Variants in GALNT13 observed in about 807,000 individuals in gnomAD.
GALNT13 encodes UDP-GalNAc:polypeptide N-acetylgalactosaminyltransferase 13.
Under a neutral mutation model 64.2 loss-of-function variants are expected in GALNT13, and 28 were observed. That is an observed-to-expected ratio of 0.44 (90% CI 0.32 to 0.60). The LOEUF (loss-of-function observed/expected upper bound fraction) is 0.60, where lower values mean the gene tolerates loss of function less well. Among genes scored for constraint, GALNT13 ranks in the 20% least tolerant of loss-of-function variants. GALNT13 has a pLI of 0.05. For synonymous variants in GALNT13, 214 were observed against 224.6 expected (o/e 0.95, Z 0.42); for missense variants, 577 against 669.8 (o/e 0.86, Z 1.53).
intron 9 of GALNT13, among the ~76,000 whole-genome samples, chr2:154,344,427 A>AGTGTTAAAGGATAT (rs1340182655): frequency 2.0e-5 from 3 of 152,054 alleles, no homozygotes; most frequent in Admixed American, 6.6e-5. Flanking sequence ...CAATGCTTTC[A>AGTGTTAAAGGATAT]CAAAGGAATA....
At chr2:154,446,826 A>T (rs1701605521) in intron 12 of GALNT13, 1 of 1,412,580 alleles carries the variant, frequency 7.1e-7, no homozygotes, top group Non-Finnish European at 9.3e-7. Flanking sequence ...AGTTATTGAA[A>T]TCTGGAAACT....
At chr2:154,440,580 TACTTTG>T (rs1701239196) in intron 12 of GALNT13, among the ~76,000 whole-genome samples, 1 of 152,168 alleles carries the variant, frequency 6.6e-6, no homozygotes, top group Non-Finnish European at 1.5e-5. Flanking sequence ...GTGTCATGTT[TACTTTG>T]ACTTTGGAAC....
intron 9 of GALNT13, among the ~76,000 whole-genome samples, chr2:154,348,630 C>G (rs1353947024): frequency 6.6e-6 from 1 of 151,794 alleles, no homozygotes. Flanking sequence ...TGGGGCTGGC[C>G]CATCTCTCAT....
chr2:154,159,355 G>A (rs1329986983), intron 4 of GALNT13, among the ~76,000 whole-genome samples: 8 of 151,836 alleles, frequency 5.3e-5, no homozygotes, highest in African/African-American at 1.5e-4. Flanking sequence ...GGCTGGTCTC[G>A]AACTCCTGAC....
chr2:153,157,474 C>T, the GALNT13 span, among the ~76,000 whole-genome samples: 8 of 152,144 alleles, frequency 5.3e-5, no homozygotes, highest in African/African-American at 1.4e-4. Flanking sequence ...TGTTTTACAA[C>T]ATTTTTTGTC....
intron 3 of GALNT13, among the ~76,000 whole-genome samples, chr2:154,072,953 C>T (rs1056673454): frequency 6.6e-5 from 10 of 152,046 alleles, no homozygotes; most frequent in Non-Finnish European, 1.2e-4. Flanking sequence ...CCTATGTCAG[C>T]GATTCTCAAA....
the GALNT13 span, among the ~76,000 whole-genome samples, chr2:153,695,332 C>T: frequency 8.5e-5 from 13 of 152,172 alleles, no homozygotes; most frequent in Admixed American, 1.3e-4. Context: ...GGAACCCTCT[C>T]AAAAATACAA....
the GALNT13 span, among the ~76,000 whole-genome samples, chr2:153,207,619 A>G: frequency 0.28 from 43,047 of 152,046 alleles, 7,313 homozygotes; most frequent in Non-Finnish European, 0.38. Flanking sequence ...AGAGAAAGAT[A>G]AAGAATTAAT....
the GALNT13 span, among the ~76,000 whole-genome samples, chr2:153,770,162 ACCCCCCCG>A: frequency 2.1e-5 from 1 of 47,550 alleles, no homozygotes; most frequent in Non-Finnish European, 4.3e-5. Flanking sequence ...TAGAGTTCCC[ACCCCCCCG>A]CCCCCCCACA....
intron 1 of GALNT13, among the ~76,000 whole-genome samples, chr2:153,875,872 G>C (rs1686332939): frequency 6.6e-6 from 1 of 152,124 alleles, no homozygotes; most frequent in South Asian, 2.1e-4. Context: ...TATTAGACAT[G>C]ATATTTTAAA....
chr2:153,215,763 T>TA, the GALNT13 span, among the ~76,000 whole-genome samples: 1 of 151,964 alleles, frequency 6.6e-6, no homozygotes, highest in African/African-American at 2.4e-5. Flanking sequence ...TTCTAGCATT[T>TA]TTTTTTTCAT....
intron 2 of GALNT13, among the ~76,000 whole-genome samples, chr2:153,902,595 T>C (rs573045887): frequency 6.6e-6 from 1 of 152,106 alleles, no homozygotes; most frequent in East Asian, 1.9e-4. Context: ...TTTTTAAGCA[T>C]TTGTAGAGGG....
Position 154,130,986 on chromosome 2 carries a change from A to T in GALNT13, c.143-9351A>T, listed in dbSNP as rs185166969. On this transcript the variant is annotated intron_variant, in intron 3 of 12. Coordinates refer to ENST00000392825, the MANE Select transcript of GALNT13 (RefSeq NM_052917.4). ...GAATTCATGGTTATTTCAAAAAAAA[A>T]TTTTTTTTGGCAAAATGGGAAGAAT... 1.3e-3 allele frequency among the ~76,000 whole-genome samples: 202 copies of T among 152,056 alleles called. 2 individuals are homozygous for T. Among genetic ancestry groups the T allele is most frequent in the African/African-American group, 4.4e-3 (184 of 41,478 alleles).
At chr2:153,261,402 A>T in the GALNT13 span, among the ~76,000 whole-genome samples, 1 of 152,170 alleles carries the variant, frequency 6.6e-6, no homozygotes, top group African/African-American at 2.4e-5. Flanking sequence ...AATCTTGGTC[A>T]TTGCAGCCAT....
chr2:153,393,992 C>CA, the GALNT13 span, among the ~76,000 whole-genome samples: 4,264 of 51,198 alleles, frequency 0.083, 72 homozygotes, highest in African/African-American at 0.13. Flanking sequence ...ACACACACAC[C>CA]CCCTATTGGT....
chr2:153,846,651 C>T, the GALNT13 span, among the ~76,000 whole-genome samples: 5 of 152,084 alleles, frequency 3.3e-5, no homozygotes, highest in African/African-American at 1.2e-4. Flanking sequence ...TGAAAATACA[C>T]ACTTGTTAAA....
the GALNT13 span, among the ~76,000 whole-genome samples, chr2:153,308,392 C>T: frequency 2.6e-3 from 392 of 152,250 alleles, 3 homozygotes; most frequent in Admixed American, 0.013. Context: ...TCTATCTCTT[C>T]CTTTGCTATA....
the GALNT13 span, among the ~76,000 whole-genome samples, chr2:153,367,432 G>T: frequency 0.31 from 46,776 of 151,840 alleles, 7,714 homozygotes; most frequent in Non-Finnish European, 0.38. Context: ...TGGAATTTTT[G>T]ACTGTATTAC....
chr2:153,124,922 CAGTT>C, the GALNT13 span, among the ~76,000 whole-genome samples: 1 of 152,158 alleles, frequency 6.6e-6, no homozygotes, highest in African/African-American at 2.4e-5. Context: ...CATGGTGTCT[CAGTT>C]AGAGGTCATT....
Sources: gnomAD v4.1 joint callset for allele counts (sites outside exome capture counted in the v4.1 genomes callset) on GRCh38, gnomAD v4.1.1 for gene constraint, MANE v1.5 for transcripts, NCBI Gene and HGNC (gene_info 2026-07-23, HGNC 2026-07-21) for gene names.